SCFD1: variants seen among roughly 807,000 people sequenced by gnomAD.
The protein encoded by SCFD1 is sec1 family domain-containing protein 1.
SCFD1 carries 37 observed loss-of-function variants against 103.2 expected under a neutral mutation model. That is an observed-to-expected ratio of 0.36 (90% CI 0.28 to 0.47). The LOEUF (loss-of-function observed/expected upper bound fraction) is 0.47, where lower values mean the gene tolerates loss of function less well. SCFD1 is among the 20% of genes least tolerant of loss of function. The probability of loss-of-function intolerance (pLI) is 1.00; values close to 1 mark genes in which losing one functional copy is unlikely to be tolerated. For missense variants in SCFD1, 639 were observed against 761.2 expected, an observed-to-expected ratio of 0.84 and a Z score of 1.89; for synonymous variants, 264 against 245.0, an observed-to-expected ratio of 1.08 and a Z score of -0.73.
At chr14:30,640,531 A>G (rs1250659134) in intron 6 of SCFD1, among the ~76,000 whole-genome samples, 1 of 152,180 alleles carries the variant, frequency 6.6e-6, no homozygotes, top group Non-Finnish European at 1.5e-5. Flanking sequence ...AGTAAAAACA[A>G]GCATCTTTAC....
chr14:30,712,581 C>T (rs1891961910), intron 19 of SCFD1, among the ~76,000 whole-genome samples: 1 of 151,792 alleles, frequency 6.6e-6, no homozygotes, highest in Admixed American at 6.6e-5. Context: ...TTGTTTTTAC[C>T]TAAGCTTTTC....
chr14:30,684,822 T>TTTTTA (rs71112333), intron 14 of SCFD1, among the ~76,000 whole-genome samples: 1 of 138,572 alleles, frequency 7.2e-6, no homozygotes, highest in Non-Finnish European at 1.5e-5. Flanking sequence ...TTTTTTTTTT[T>TTTTTA]ATTATACTCT....
chr14:30,691,021 T>C (rs926904605), intron 14 of SCFD1, among the ~76,000 whole-genome samples: 84 of 152,372 alleles, frequency 5.5e-4, no homozygotes, highest in Non-Finnish European at 9.8e-4. Context: ...GTTGCTTCTC[T>C]TAGTGTTTTC....
intron 14 of SCFD1, among the ~76,000 whole-genome samples, chr14:30,691,839 C>T (rs77434550): frequency 0.039 from 5,925 of 152,166 alleles, 147 homozygotes; most frequent in South Asian, 0.067. Flanking sequence ...GCAAAATGAA[C>T]CAAATGCCTG....
intron 8 of SCFD1, among the ~76,000 whole-genome samples, 179 bp from the exon 9 acceptor site, chr14:30,650,386 A>G (rs759962278): frequency 6.6e-6 from 1 of 152,228 alleles, no homozygotes; most frequent in African/African-American, 2.4e-5. Flanking sequence ...GATCTTTGTT[A>G]AGTCCAAGTT....
chr14:30,650,416 AAGACGG>A, intron 8 of SCFD1, 143 bp from the exon 9 acceptor site: 2 of 620,518 alleles, frequency 3.2e-6, no homozygotes, highest in Non-Finnish European at 5.8e-6. Flanking sequence ...TGGAAGTGGT[AAGACGG>A]AGCTAAAATA....
chr14:30,652,212 C>A (rs530233093), intron 9 of SCFD1: 3 of 152,054 alleles, frequency 2.0e-5, no homozygotes. Flanking sequence ...GATAGTGATG[C>A]CTTTTGAAAA....
chr14:30,695,525 G>A (rs1445124566), intron 15 of SCFD1, among the ~76,000 whole-genome samples: 2 of 151,796 alleles, frequency 1.3e-5, no homozygotes, highest in African/African-American at 4.8e-5. Flanking sequence ...GGGATGAAGG[G>A]AACAAAAAAA....
At position 30,709,379 on chromosome 14, in the gene SCFD1, C is replaced by A. The variant is rs547951151; in HGVS notation, c.1629+1314C>A. On this transcript the variant is annotated intron_variant, in intron 19 of 24. Coordinates refer to ENST00000458591, the MANE Select transcript of SCFD1 (RefSeq NM_016106.4). ...GTGATGCTAGCTGGGACTACAGGCA[C>A]GCACCGCCACACCTGGCTAATCTTT... 1.8e-4 allele frequency among the ~76,000 whole-genome samples: 27 copies of A among 152,130 alleles called. No individual in the cohort carries two copies. In the East Asian group the frequency reaches 5.2e-3, roughly 29 times the overall value.
chr14:30,700,589 G>C (rs560152250), intron 16 of SCFD1, among the ~76,000 whole-genome samples: 1 of 152,106 alleles, frequency 6.6e-6, no homozygotes, highest in African/African-American at 2.4e-5. Flanking sequence ...CAGGAGAATC[G>C]CTTGAACCTG....
At chr14:30,710,332 TAAAAAAAAAAAA>T (rs397853428) in intron 19 of SCFD1, among the ~76,000 whole-genome samples, 3 of 82,046 alleles carry the variant, frequency 3.7e-5, no homozygotes, top group Non-Finnish European at 6.7e-5. Context: ...GCCATGTCAT[TAAAAAAAAAAAA>T]AAAAAAAAAA....
Position 30,702,628 on chromosome 14 carries a change from A to G in SCFD1, c.1490+253A>G, listed in dbSNP as rs185934512. Among the ~76,000 whole-genome samples, 10 of 152,316 alleles carry G rather than the reference A, an allele frequency of 6.6e-5. No individual in the cohort carries two copies. In the East Asian group the frequency reaches 1.9e-3, roughly 29 times the overall value. ...TAAGGTGAGAAAGTCAAAGACCGAA[A>G]TGTCTGGAGTCAAATGTCTCCAAGG... On this transcript the variant is annotated intron_variant, in intron 17 of 24. Transcript: ENST00000458591.
chr14:30,676,692 T>C (rs1889059792), intron 14 of SCFD1: 1 of 150,998 alleles, frequency 6.6e-6, no homozygotes, highest in Non-Finnish European at 1.5e-5. Flanking sequence ...GAAAGAGTGA[T>C]GGTAGAATAT....
intron 6 of SCFD1, among the ~76,000 whole-genome samples, chr14:30,642,688 T>C (rs1885404164): frequency 6.6e-6 from 1 of 152,224 alleles, no homozygotes; most frequent in Non-Finnish European, 1.5e-5. Flanking sequence ...GGCCATCTAG[T>C]GTTTATGAAT....
chr14:30,717,564 TAGC>T, intron 20 of SCFD1, among the ~76,000 whole-genome samples: 1 of 152,266 alleles, frequency 6.6e-6, no homozygotes, highest in Non-Finnish European at 1.5e-5. Context: ...ATAATGATAA[TAGC>T]TAACATTTAT....
At chr14:30,694,251 C>A (rs1890527236) in intron 14 of SCFD1, among the ~76,000 whole-genome samples, 1 of 152,084 alleles carries the variant, frequency 6.6e-6, no homozygotes, top group Non-Finnish European at 1.5e-5. Context: ...GTGTTTTTAT[C>A]TTTGCTAATA....
chr14:30,696,173 ATAATT>A (rs752255630), intron 15 of SCFD1, among the ~76,000 whole-genome samples: 10 of 152,200 alleles, frequency 6.6e-5, no homozygotes, highest in Non-Finnish European at 1.2e-4. Flanking sequence ...AAATTAGAAA[ATAATT>A]TAAAAGTCCA....
chr14:30,634,108 A>T, intron 4 of SCFD1, 71 bp downstream of exon 4: 1 of 843,676 alleles, frequency 1.2e-6, no homozygotes, highest in Non-Finnish European at 1.9e-6. Context: ...AAATTCCTAG[A>T]TGTCCAGGGT....
In SCFD1 at chr14:30,622,329, G is replaced by A. The variant is rs948217747; in HGVS notation, c.-10G>A. 1 of 1,584,816 alleles carries A rather than the reference G, an allele frequency of 6.3e-7. No homozygotes were observed. The highest frequency in any genetic ancestry group is 1.3e-5 in the African/African-American group (1 of 74,426). On this transcript the variant is annotated 5_prime_UTR_variant, in exon 1 of 25. Transcript: ENST00000458591. Reference sequence around the variant, plus strand: ...GCTCCCCAGCCGGGCAGTGGCTCGTGGGAGCCAAGATGGCGGCGGCGGCGG... The same window carrying A: ...GCTCCCCAGCCGGGCAGTGGCTCGTAGGAGCCAAGATGGCGGCGGCGGCGG...
Sources: gnomAD v4.1 joint callset for allele counts (sites outside exome capture counted in the v4.1 genomes callset) on GRCh38, gnomAD v4.1.1 for gene constraint, MANE v1.5 for transcripts, NCBI Gene and HGNC (gene_info 2026-07-23, HGNC 2026-07-21) for gene names.